The following PRKD1 variants were observed in gnomAD, a reference collection of about 807,000 sequenced individuals.
The protein encoded by PRKD1 is protein kinase D1, also known as serine/threonine-protein kinase D1.
PRKD1 carries 63 observed loss-of-function variants against 95.9 expected under a neutral mutation model. That is an observed-to-expected ratio of 0.66 (90% CI 0.54 to 0.81). PRKD1 has a LOEUF of 0.81. Ranked by LOEUF, PRKD1 falls within the 30% of genes least tolerant of loss-of-function variation. PRKD1 has a pLI of 0.00. For synonymous variants in PRKD1, 425 were observed against 423.1 expected, an observed-to-expected ratio of 1.00 and a Z score of -0.05; for missense variants, 1,048 against 1,165.3, an observed-to-expected ratio of 0.90 and a Z score of 1.47.
At chr14:29,837,283 T>C (rs1322819329) in intron 1 of PRKD1, among the ~76,000 whole-genome samples, 1 of 152,220 alleles carries the variant, frequency 6.6e-6, no homozygotes, top group Non-Finnish European at 1.5e-5. Flanking sequence ...CTACTAGTTT[T>C]AGGTCTTCAT....
chr14:29,688,868 G>A (rs116243111), intron 2 of PRKD1, among the ~76,000 whole-genome samples: 13,244 of 149,398 alleles, frequency 0.089, 694 homozygotes, highest in South Asian at 0.19. Context: ...GGGAGGTGGA[G>A]GCTGGAGTAG....
At chr14:29,842,440 C>T (rs72660424) in intron 1 of PRKD1, among the ~76,000 whole-genome samples, 18,823 of 152,118 alleles carry the variant, frequency 0.12, 1,495 homozygotes, top group Non-Finnish European at 0.18. Context: ...CATTAGATGA[C>T]GGGAATTATC....
chr14:29,590,265 T>C (rs929030396), intron 16 of PRKD1, among the ~76,000 whole-genome samples: 8 of 152,228 alleles, frequency 5.3e-5, no homozygotes, highest in East Asian at 1.9e-4. Flanking sequence ...TTCTCTATCT[T>C]ATTGTTTTCC....
At chr14:29,690,105 G>A (rs1234783117) in intron 2 of PRKD1, among the ~76,000 whole-genome samples, 1 of 152,110 alleles carries the variant, frequency 6.6e-6, no homozygotes. Flanking sequence ...TGCTGCACAT[G>A]TATCCCGGAA....
chr14:29,653,636 T>C (rs1413234487), intron 4 of PRKD1, among the ~76,000 whole-genome samples: 2 of 152,038 alleles, frequency 1.3e-5, no homozygotes, highest in Non-Finnish European at 2.9e-5. Flanking sequence ...AATCTGGCCA[T>C]GTTGATTTAT....
At chr14:29,826,858 T>C (rs866826661) in intron 1 of PRKD1, among the ~76,000 whole-genome samples, 10 of 99,766 alleles carry the variant, frequency 1.0e-4, no homozygotes, top group Admixed American at 2.3e-4. Flanking sequence ...TATATATATA[T>C]ATATATATAT....
intron 1 of PRKD1, among the ~76,000 whole-genome samples, chr14:29,878,907 T>G (rs370436781): frequency 1.3e-5 from 2 of 152,350 alleles, no homozygotes; most frequent in East Asian, 3.9e-4. Context: ...ATTTATACTA[T>G]GTATCTCTCA....
intron 2 of PRKD1, among the ~76,000 whole-genome samples, chr14:29,719,108 G>A (rs546387113): frequency 2.0e-4 from 31 of 151,778 alleles, no homozygotes; most frequent in Admixed American, 6.6e-4. Flanking sequence ...TTTTTTCCTG[G>A]TTTATGATTT....
chr14:29,597,494 C>A lies in PRKD1; in HGVS notation c.2431G>T (p.Glu811Ter). ...ATTTTTGAATGGAAGATATTACCTT[C>A]ATGAGATATTTCCTTCCAGGGATTT... ...PPNPWKEISH[E>*]AIDLINNLLQ... The change falls in exon 16 of 18, where the codon GAA (glutamate) becomes TAA (stop). Residue 811 changes from glutamate to a stop codon, truncating the protein, a stop_gained. Coordinates refer to ENST00000331968, the MANE Select transcript of PRKD1 (RefSeq NM_002742.3). LOFTEE classifies it high-confidence loss of function. The A allele has an allele frequency of 6.3e-7, 1 of 1,598,288 alleles. No individual in the cohort carries two copies.
At chr14:29,737,328 CAAAAAAAAAAAAAAAAA>C (rs796557046) in intron 1 of PRKD1, among the ~76,000 whole-genome samples, 9 of 37,932 alleles carry the variant, frequency 2.4e-4, no homozygotes, top group South Asian at 1.9e-3. Context: ...GACTCCGTCT[CAAAAAAAAAAAAAAAAA>C]AAAAAAAAAA....
At chr14:29,752,673 G>A (rs1887532842) in intron 1 of PRKD1, among the ~76,000 whole-genome samples, 1 of 151,740 alleles carries the variant, frequency 6.6e-6, no homozygotes, top group African/African-American at 2.4e-5. Context: ...GAACCCATGA[G>A]GGCATCACCA....
At chr14:29,922,661 A>G (rs1895161078) in intron 1 of PRKD1, among the ~76,000 whole-genome samples, 1 of 151,980 alleles carries the variant, frequency 6.6e-6, no homozygotes, top group African/African-American at 2.4e-5. Flanking sequence ...AGGTGGGAGG[A>G]TTGCTTGAGG....
chr14:29,887,601 T>C (rs1393915192), intron 1 of PRKD1, among the ~76,000 whole-genome samples: 1 of 152,216 alleles, frequency 6.6e-6, no homozygotes, highest in Non-Finnish European at 1.5e-5. Context: ...AGATTTCAAG[T>C]TATGAGTATA....
chr14:29,675,985 G>A (rs1416103845), intron 2 of PRKD1, among the ~76,000 whole-genome samples: 1 of 123,400 alleles, frequency 8.1e-6, no homozygotes, highest in African/African-American at 3.0e-5. Context: ...GTCGTGGGGT[G>A]GGGGGTGGGG....
At chr14:29,843,853 G>T (rs953222273) in intron 1 of PRKD1, among the ~76,000 whole-genome samples, 1 of 152,170 alleles carries the variant, frequency 6.6e-6, no homozygotes, top group Non-Finnish European at 1.5e-5. Flanking sequence ...AGTAAAAGTT[G>T]TTTGCAACTT....
At chr14:29,731,385 T>C (rs1886426129) in intron 1 of PRKD1, among the ~76,000 whole-genome samples, 1 of 152,220 alleles carries the variant, frequency 6.6e-6, no homozygotes, top group African/African-American at 2.4e-5. Flanking sequence ...GAATATTCTA[T>C]GTGCATCTGA....
intron 13 of PRKD1, among the ~76,000 whole-genome samples, chr14:29,602,186 T>G (rs1437372193): frequency 6.6e-6 from 1 of 152,074 alleles, no homozygotes; most frequent in African/African-American, 2.4e-5. Context: ...GTAGGTGTCC[T>G]CTGTGTGTAG....
intron 1 of PRKD1, among the ~76,000 whole-genome samples, chr14:29,778,367 C>CA (rs1328383723): frequency 4.0e-4 from 60 of 151,028 alleles, no homozygotes; most frequent in Admixed American, 3.6e-3. Flanking sequence ...TTGAAAAGAT[C>CA]AAAAAAAATT....
intron 2 of PRKD1, among the ~76,000 whole-genome samples, chr14:29,667,214 G>A (rs557537047): frequency 1.3e-4 from 20 of 152,136 alleles, no homozygotes; most frequent in Admixed American, 4.6e-4. Context: ...GACCTTTACC[G>A]GAGTGACATC....
Sources: gnomAD v4.1 joint callset for allele counts (sites outside exome capture counted in the v4.1 genomes callset) on GRCh38, gnomAD v4.1.1 for gene constraint, MANE v1.5 for transcripts, NCBI Gene and HGNC (gene_info 2026-07-23, HGNC 2026-07-21) for gene names.